The following GPNMB variants were observed in gnomAD, a reference collection of about 807,000 sequenced individuals.
The protein encoded by GPNMB is glycoprotein nmb.
In GPNMB, 71 loss-of-function variants were observed where a neutral mutation model predicts 57.3. That is an observed-to-expected ratio of 1.24 (90% CI 1.02 to 1.51). The LOEUF (loss-of-function observed/expected upper bound fraction) is 1.51. Among genes scored for constraint, GPNMB ranks in the 40% most tolerant of loss-of-function variants. The pLI is 0.00. For synonymous variants in GPNMB, 253 were observed against 263.2 expected (o/e 0.96, Z 0.38); for missense variants, 677 against 691.9 (o/e 0.98, Z 0.24).
At chr7:23,264,578 T>A (rs1306417996) in intron 6 of GPNMB, among the ~76,000 whole-genome samples, 1 of 152,084 alleles carries the variant, frequency 6.6e-6, no homozygotes, top group Non-Finnish European at 1.5e-5. Context: ...GGTTCCACCA[T>A]GTTGCCCAGG....
intron 8 of GPNMB, among the ~76,000 whole-genome samples, chr7:23,268,737 T>C (rs1352556145): frequency 6.6e-6 from 1 of 152,032 alleles, no homozygotes; most frequent in Non-Finnish European, 1.5e-5. Context: ...GCTAAGAAGC[T>C]CTCCACCTTG....
At chr7:23,273,335 A>G (rs1055889102) in intron 9 of GPNMB, 186 bp from the exon 10 acceptor site, 10 of 563,768 alleles carry the variant, frequency 1.8e-5, no homozygotes, top group Admixed American at 3.3e-5. Flanking sequence ...ATGCTGACTC[A>G]TTCTCTAAAT....
At position 23,260,461 on chromosome 7, in the gene GPNMB, A is replaced by G; in HGVS notation, c.706A>G (p.Ile236Val). The change falls in exon 6 of 11, where the codon ATT (isoleucine) becomes GTT (valine). Residue 236 changes from isoleucine to valine, a missense_variant. Coordinates refer to ENST00000258733, the MANE Select transcript of GPNMB (RefSeq NM_002510.3). The stretch of plus-strand genomic sequence containing the variant: ...TTGGGGGATGTATCTTTTAGATCAG[A>G]TTCCTGTGTTTGTGACTATGTTCCA... Reference protein sequence around the residue: ...VKDVYVVTDQIPVFVTMFQKN... With the variant: ...VKDVYVVTDQVPVFVTMFQKN... 6.2e-7 allele frequency: 1 copy of G among 1,608,848 alleles called. No individual in the cohort carries two copies. The highest frequency in any genetic ancestry group is 2.2e-5 in the East Asian group (1 of 44,824).
intron 3 of GPNMB, among the ~76,000 whole-genome samples, chr7:23,254,522 C>A (rs1007616802): frequency 6.6e-6 from 1 of 152,208 alleles, no homozygotes; most frequent in African/African-American, 2.4e-5. Context: ...CAGTGGCTCT[C>A]CCTTGCTTGG....
chr7:23,261,506 T>A (rs1782922103), intron 6 of GPNMB, among the ~76,000 whole-genome samples: 1 of 152,136 alleles, frequency 6.6e-6, no homozygotes, highest in Admixed American at 6.5e-5. Flanking sequence ...CTGGAAACCA[T>A]CATTCTGAGC....
In GPNMB at chr7:23,260,146, G is replaced by C. The variant is rs1480217433; in HGVS notation, c.700+8G>C. 1 of 1,613,438 alleles carries C rather than the reference G, an allele frequency of 6.2e-7. No individual in the cohort carries two copies. Among genetic ancestry groups the C allele is most frequent in the South Asian group, 1.1e-5 (1 of 91,044 alleles). On this transcript the variant is annotated splice_region_variant and intron_variant, in intron 5 of 10. Transcript: ENST00000258733. ...ATGTGTACGTGGTAACAGGTGAGTG[G>C]TGTGAACTCTAACTGAGGATGAGGC...
At chr7:23,262,056 C>T (rs2128483312) in intron 6 of GPNMB, among the ~76,000 whole-genome samples, 1 of 152,164 alleles carries the variant, frequency 6.6e-6, no homozygotes, top group Non-Finnish European at 1.5e-5. Flanking sequence ...GGACCAAGCC[C>T]ACGACGGTCC....
intron 1 of GPNMB, among the ~76,000 whole-genome samples, chr7:23,251,974 G>T (rs1713652920): frequency 6.6e-6 from 1 of 152,202 alleles, no homozygotes; most frequent in African/African-American, 2.4e-5. Flanking sequence ...AAAAGAAAGA[G>T]ACCATGTGAC....
At position 23,274,998 on chromosome 7, in the gene GPNMB, A is replaced by T. The variant is rs1193470874; in HGVS notation, c.*774A>T. ...ATGAGGTCCCTGGTTTTTCATGGCAACTTGATCAGTAAGGATTTCACCTCT... is the reference window on the plus strand; with the variant it reads ...ATGAGGTCCCTGGTTTTTCATGGCATCTTGATCAGTAAGGATTTCACCTCT... On this transcript the variant is annotated 3_prime_UTR_variant, in exon 11 of 11. Coordinates refer to ENST00000258733, the MANE Select transcript of GPNMB (RefSeq NM_002510.3). 2 of 152,118 alleles carry T rather than the reference A, an allele frequency of 1.3e-5. No homozygotes were observed. Among genetic ancestry groups the T allele is most frequent in the Non-Finnish European group, 2.9e-5 (2 of 68,028 alleles). The allele number at this position is 152,118 out of a possible 1,614,324, so 9.4% of individuals were successfully genotyped here. A position where few individuals can be genotyped will look rare whatever the true frequency, so the allele number is the denominator to read the frequency against.
intron 1 of GPNMB, among the ~76,000 whole-genome samples, chr7:23,252,478 G>T (rs772653845): frequency 7.9e-5 from 12 of 152,166 alleles, no homozygotes; most frequent in Non-Finnish European, 1.6e-4. Flanking sequence ...TCATATCAAA[G>T]TATTCTTTAG....
chr7:23,264,227 C>A (rs969229710), intron 6 of GPNMB, among the ~76,000 whole-genome samples: 9 of 151,990 alleles, frequency 5.9e-5, no homozygotes, highest in Admixed American at 4.6e-4. Flanking sequence ...CTCTGGGCAA[C>A]AGGGACATAA....
chr7:23,258,201 G>A (rs148017412), intron 4 of GPNMB, among the ~76,000 whole-genome samples: 151 of 152,278 alleles, frequency 9.9e-4, no homozygotes, highest in African/African-American at 3.5e-3. Context: ...CTGGCACTGA[G>A]TATTTGAAAA....
At position 23,260,098 on chromosome 7, in the gene GPNMB, T is replaced by C. The variant is rs770211260; in HGVS notation, c.660T>C (p.Tyr220=). 6.2e-7 allele frequency: 1 copy of C among 1,614,012 alleles called. No individual in the cohort carries two copies. The highest frequency in any genetic ancestry group is 2.2e-5 in the East Asian group (1 of 44,892). ...TCTACAGAAGACATGGACGGGCATATGTTCCCATCGCACAAGTGAAAGATG... is the reference window on the plus strand; with the variant it reads ...TCTACAGAAGACATGGACGGGCATACGTTCCCATCGCACAAGTGAAAGATG... The part of the protein sequence containing the change: ...VTVYRRHGRA[Y]VPIAQVKDVY... The change falls in exon 5 of 11, where the codon TAT becomes TAC. Residue 220 remains tyrosine (Y), a synonymous_variant. Transcript: ENST00000258733.
At chr7:23,261,000 C>T (rs1394892663) in intron 6 of GPNMB, among the ~76,000 whole-genome samples, 1 of 152,178 alleles carries the variant, frequency 6.6e-6, no homozygotes, top group Non-Finnish European at 1.5e-5. Context: ...AATTCAGTGA[C>T]TTGTAGAAAG....
At position 23,274,097 on chromosome 7, in the gene GPNMB, G is replaced by T; in HGVS notation, c.1556G>T (p.Ser519Ile). Reference protein sequence around the residue: ...KHKEYNPIENSPGNVVRSKGL... With the variant: ...KHKEYNPIENIPGNVVRSKGL... ...AAGGAATACAACCCAATAGAAAATA[G>T]TCCTGGGAATGTGGTCAGAAGCAAA... Residue 519 changes from serine (S) to isoleucine (I), a missense_variant, in exon 11 of 11, where the codon AGT becomes ATT. Ser to Ile is a moderately radical substitution (Grantham distance 142). Coordinates refer to ENST00000258733, the MANE Select transcript of GPNMB (RefSeq NM_002510.3). 1.2e-6 allele frequency: 2 copies of T among 1,612,936 alleles called. No individual in the cohort carries two copies. The highest frequency in any genetic ancestry group is 1.7e-6 in the Non-Finnish European group (2 of 1,179,114).
chr7:23,271,060 A>T (rs532185109), intron 9 of GPNMB, among the ~76,000 whole-genome samples: 2 of 152,278 alleles, frequency 1.3e-5, no homozygotes, highest in Admixed American at 1.3e-4. Flanking sequence ...TGTAACGGGG[A>T]TGGTGGGGGA....
chr7:23,270,264 A>G, intron 9 of GPNMB, 89 bp downstream of exon 9: 1 of 804,202 alleles, frequency 1.2e-6, no homozygotes, highest in Non-Finnish European at 2.0e-6. Context: ...TTTGTTTTCA[A>G]TGTTTAATTC....
intron 1 of GPNMB, among the ~76,000 whole-genome samples, chr7:23,253,070 T>C (rs764477558): frequency 2.0e-5 from 3 of 152,202 alleles, no homozygotes; most frequent in Non-Finnish European, 4.4e-5. Flanking sequence ...CTAAAAAATA[T>C]TGACTTTCAA....
intron 9 of GPNMB, among the ~76,000 whole-genome samples, chr7:23,270,494 T>G (rs1249585724): frequency 2.6e-5 from 4 of 151,574 alleles, no homozygotes; most frequent in African/African-American, 9.8e-5. Flanking sequence ...AGGAGAAAGT[T>G]TAAAGGCCAA....
Sources: gnomAD v4.1 joint callset for allele counts (sites outside exome capture counted in the v4.1 genomes callset) on GRCh38, gnomAD v4.1.1 for gene constraint, MANE v1.5 for transcripts, NCBI Gene and HGNC (gene_info 2026-07-23, HGNC 2026-07-21) for gene names.